The following RGS6 variants were observed in gnomAD, a reference collection of about 807,000 sequenced individuals.
RGS6 encodes regulator of G-protein signaling 6.
RGS6 carries 30 observed loss-of-function variants against 78.5 expected under a neutral mutation model. The observed-to-expected ratio is 0.38, with a 90% CI of 0.29 to 0.52. The LOEUF (loss-of-function observed/expected upper bound fraction) is 0.52. Among genes scored for constraint, RGS6 ranks in the 20% least tolerant of loss-of-function variants. The pLI, the probability that RGS6 is intolerant of heterozygous loss-of-function variation, is 0.85. For missense variants in RGS6, 495 were observed against 609.7 expected, an observed-to-expected ratio of 0.81 and a Z score of 1.98; for synonymous variants, 206 against 206.0, an observed-to-expected ratio of 1.00 and a Z score of 0.00.
At chr14:72,417,963 C>T (rs1003059630) in intron 3 of RGS6, among the ~76,000 whole-genome samples, 1 of 152,156 alleles carries the variant, frequency 6.6e-6, no homozygotes, top group Non-Finnish European at 1.5e-5. Flanking sequence ...TATAGCATAG[C>T]TTGGGGGCGA....
At chr14:72,241,921 A>T (rs2052954241) in intron 2 of RGS6, among the ~76,000 whole-genome samples, 2 of 152,238 alleles carry the variant, frequency 1.3e-5, no homozygotes, top group African/African-American at 4.8e-5. Context: ...ATACAATTAT[A>T]ATAATATTAA....
intron 2 of RGS6, among the ~76,000 whole-genome samples, chr14:72,120,602 G>A (rs140908880): frequency 3.7e-3 from 565 of 152,296 alleles, no homozygotes; most frequent in Non-Finnish European, 6.1e-3. Flanking sequence ...GATAAACTGC[G>A]TTGTGTTCAT....
At chr14:72,008,416 G>A (rs1008261830) in intron 2 of RGS6, among the ~76,000 whole-genome samples, 3 of 152,148 alleles carry the variant, frequency 2.0e-5, no homozygotes, top group African/African-American at 4.8e-5. Context: ...GGGAGTCCTT[G>A]GGAGCCAAAG....
chr14:72,427,370 G>A (rs1210943652), intron 3 of RGS6, among the ~76,000 whole-genome samples: 1 of 152,106 alleles, frequency 6.6e-6, no homozygotes, highest in African/African-American at 2.4e-5. Context: ...AGTACTATCC[G>A]CTGTTGTAGG....
rs1599241021 is a variant in RGS6 at position 72,564,492 on chromosome 14, T to C, written c.*2025T>C. On this transcript the variant is annotated 3_prime_UTR_variant, in exon 18 of 18. Transcript: ENST00000553525. ...CATGTTTCAGAACAAAATTACAGTCTAAGTTCATTTGCCCCCAGCCTTGCC... is the reference window on the plus strand; with the variant it reads ...CATGTTTCAGAACAAAATTACAGTCCAAGTTCATTTGCCCCCAGCCTTGCC... 1 of 152,358 alleles carries C rather than the reference T, an allele frequency of 6.6e-6. No homozygotes were observed. The highest frequency in any genetic ancestry group is 1.9e-4 in the East Asian group (1 of 5,166). 9.4% of individuals were successfully genotyped at this position (152,358 alleles called of 1,614,324 possible). A position where few individuals can be genotyped will look rare whatever the true frequency, so the allele number is the denominator to read the frequency against.
rs374099293 is a variant in RGS6 at position 72,335,813 on chromosome 14, G to A, written c.85-16282G>A. Among the ~76,000 whole-genome samples, 15 of 152,244 alleles carry A rather than the reference G, an allele frequency of 9.9e-5. No individual in the cohort carries two copies. In the East Asian group the frequency reaches 2.1e-3, roughly 22 times the overall value. The stretch of plus-strand genomic sequence containing the variant: ...TGTGGGCCACTGGCTGGACAAGCTC[G>A]GTTTAAATTGATAAGATATTCGGGA... On this transcript the variant is annotated intron_variant, in intron 2 of 17. Transcript: ENST00000553525.
At chr14:72,039,106 C>G (rs4902974) in intron 2 of RGS6, among the ~76,000 whole-genome samples, 19,221 of 152,098 alleles carry the variant, frequency 0.13, 1,265 homozygotes, top group East Asian at 0.17. Flanking sequence ...TTTTACATGT[C>G]AAAAGAGGGA....
Position 72,512,351 on chromosome 14 carries a change from C to T in RGS6, c.1091+2072C>T, listed in dbSNP as rs191922403. On this transcript the variant is annotated intron_variant, in intron 14 of 17. Coordinates refer to ENST00000553525, the MANE Select transcript of RGS6 (RefSeq NM_001204424.2). The stretch of plus-strand genomic sequence containing the variant: ...AAAGTCCCGAGTGTAGCCAGAACCA[C>T]ATATCAGTTCAGACTAGTTTCACAA... Among the ~76,000 whole-genome samples the T allele has an allele frequency of 5.6e-4, 86 of 152,328 alleles. 2 individuals are homozygous for T. Among genetic ancestry groups the T allele is most frequent in the Admixed American group, 4.6e-3 (71 of 15,306 alleles).
At chr14:72,308,910 A>G (rs1176664195) in intron 2 of RGS6, among the ~76,000 whole-genome samples, 2 of 152,214 alleles carry the variant, frequency 1.3e-5, no homozygotes, top group Non-Finnish European at 2.9e-5. Flanking sequence ...AAGTCATTTC[A>G]TGCCTTTTAC....
intron 3 of RGS6, among the ~76,000 whole-genome samples, chr14:72,451,410 G>A (rs1436713056): frequency 1.3e-5 from 2 of 152,176 alleles, no homozygotes; most frequent in East Asian, 3.9e-4. Flanking sequence ...CTGGTGGACT[G>A]GGGAGAACAA....
chr14:72,150,660 T>C (rs988471502), intron 2 of RGS6, among the ~76,000 whole-genome samples: 2 of 151,914 alleles, frequency 1.3e-5, no homozygotes, highest in African/African-American at 4.8e-5. Flanking sequence ...GAGAAATTGC[T>C]GCGAGGTGCT....
At chr14:72,411,244 A>G (rs999914083) in intron 3 of RGS6, among the ~76,000 whole-genome samples, 7 of 151,988 alleles carry the variant, frequency 4.6e-5, no homozygotes, top group Non-Finnish European at 1.5e-5. Flanking sequence ...CTTTTATTTC[A>G]TTGAGTAGTG....
intron 2 of RGS6, among the ~76,000 whole-genome samples, chr14:72,014,845 G>A (rs1243409159): frequency 6.6e-6 from 1 of 152,086 alleles, no homozygotes; most frequent in Non-Finnish European, 1.5e-5. Context: ...ATACCCGTCT[G>A]CCTTCTCCCC....
At chr14:72,578,872 G>A in the RGS6 span, among the ~76,000 whole-genome samples, 5,312 of 152,304 alleles carry the variant, frequency 0.035, 335 homozygotes, top group African/African-American at 0.12. Flanking sequence ...TCAGGGAAAG[G>A]AAATGGCTTG....
intron 2 of RGS6, among the ~76,000 whole-genome samples, chr14:72,044,745 T>C (rs36744): frequency 0.12 from 17,917 of 152,090 alleles, 1,088 homozygotes; most frequent in East Asian, 0.17. Flanking sequence ...TGGTGGTGGG[T>C]GCCTGTAATC....
At chr14:72,046,953 T>C (rs2092896589) in intron 2 of RGS6, among the ~76,000 whole-genome samples, 1 of 152,218 alleles carries the variant, frequency 6.6e-6, no homozygotes, top group Non-Finnish European at 1.5e-5. Flanking sequence ...CACCTTTATT[T>C]ACCTAGCCTT....
chr14:72,454,711 C>A, intron 4 of RGS6, 133 bp downstream of exon 4: 1 of 634,286 alleles, frequency 1.6e-6, no homozygotes, highest in African/African-American at 1.9e-5. Context: ...TGGAATCACT[C>A]TATTTACAAA....
intron 3 of RGS6, among the ~76,000 whole-genome samples, chr14:72,430,578 C>A (rs1014141963): frequency 9.2e-5 from 14 of 152,308 alleles, no homozygotes; most frequent in Admixed American, 5.9e-4. Context: ...GAGATGTCCT[C>A]AGTTGTACTC....
chr14:71,882,072 G>T, the RGS6 span, among the ~76,000 whole-genome samples: 1 of 152,176 alleles, frequency 6.6e-6, no homozygotes, highest in East Asian at 1.9e-4. Flanking sequence ...CGCCATCCCA[G>T]ACTGAAATTC....
Sources: gnomAD v4.1 joint callset for allele counts (sites outside exome capture counted in the v4.1 genomes callset) on GRCh38, gnomAD v4.1.1 for gene constraint, MANE v1.5 for transcripts, NCBI Gene and HGNC (gene_info 2026-07-23, HGNC 2026-07-21) for gene names.